The following FOXP2 variants were observed in gnomAD, a reference collection of about 807,000 sequenced individuals.
FOXP2 encodes the protein forkhead box protein P2.
A neutral mutation model predicts 115.8 loss-of-function variants in FOXP2; 12 were observed. That is an observed-to-expected ratio of 0.10 (90% CI 0.07 to 0.17). The LOEUF is 0.17. Ranked by LOEUF, FOXP2 falls within the 10% of genes least tolerant of loss-of-function variation. The pLI, the probability that FOXP2 is intolerant of heterozygous loss-of-function variation, is 1.00. For missense variants in FOXP2, 629 were observed against 843.5 expected, an observed-to-expected ratio of 0.75 and a Z score of 3.15; for synonymous variants, 328 against 297.7, an observed-to-expected ratio of 1.10 and a Z score of -1.05.
intron 2 of FOXP2, among the ~76,000 whole-genome samples, chr7:114,431,873 A>T (rs1362056615): frequency 1.3e-5 from 2 of 152,012 alleles, no homozygotes; most frequent in African/African-American, 2.4e-5. Flanking sequence ...TATTTTTTTT[A>T]AATAATACAG....
At chr7:114,176,298 T>TTTTC (rs1793303279) in intron 1 of FOXP2, among the ~76,000 whole-genome samples, 1 of 76,516 alleles carries the variant, frequency 1.3e-5, no homozygotes, top group Non-Finnish European at 2.5e-5. Flanking sequence ...CTTTCTTTCT[T>TTTTC]TCTCTCTCTC....
At chr7:114,278,618 T>C (rs1202070805) in intron 1 of FOXP2, among the ~76,000 whole-genome samples, 1 of 152,184 alleles carries the variant, frequency 6.6e-6, no homozygotes, top group African/African-American at 2.4e-5. Flanking sequence ...CTTCCCAAAG[T>C]GCTAGGATTA....
At chr7:114,687,307 C>A (rs1384600141) in intron 16 of FOXP2, among the ~76,000 whole-genome samples, 2 of 152,070 alleles carry the variant, frequency 1.3e-5, no homozygotes, top group Non-Finnish European at 2.9e-5. Flanking sequence ...CTGCTAATGA[C>A]GTTATTTGCA....
At chr7:114,406,151 A>G (rs1203314450) in intron 2 of FOXP2, among the ~76,000 whole-genome samples, 2 of 151,978 alleles carry the variant, frequency 1.3e-5, no homozygotes, top group Non-Finnish European at 2.9e-5. Context: ...ATTGCTTCTA[A>G]AGCACTAGTG....
chr7:114,605,102 T>C (rs1803240515), intron 3 of FOXP2, among the ~76,000 whole-genome samples: 1 of 152,312 alleles, frequency 6.6e-6, no homozygotes, highest in African/African-American at 2.4e-5. Flanking sequence ...CTCAGAGTTG[T>C]ACTTGTCAAG....
chr7:114,630,070 G>C, intron 5 of FOXP2, 65 bp downstream of exon 5: 1 of 1,600,578 alleles, frequency 6.2e-7, no homozygotes, highest in Non-Finnish European at 8.5e-7. Context: ...TGAGCGGCAA[G>C]AATAGTCTTA....
chr7:114,611,885 A>G (rs1803647933), intron 3 of FOXP2, among the ~76,000 whole-genome samples: 1 of 152,166 alleles, frequency 6.6e-6, no homozygotes, highest in Non-Finnish European at 1.5e-5. Context: ...GATAAAAGTT[A>G]AGAGAGTGGG....
intron 3 of FOXP2, among the ~76,000 whole-genome samples, chr7:114,604,598 AT>A (rs1299022053): frequency 6.6e-6 from 1 of 152,160 alleles, no homozygotes; most frequent in Non-Finnish European, 1.5e-5. Flanking sequence ...AGGAATAAAT[AT>A]GGTTTTCTTC....
intron 2 of FOXP2, among the ~76,000 whole-genome samples, chr7:114,527,268 G>A (rs1186820397): frequency 6.6e-6 from 1 of 151,876 alleles, no homozygotes; most frequent in Admixed American, 6.6e-5. Flanking sequence ...GAACAATTAT[G>A]TTCAACTTTT....
chr7:114,542,480 C>T (rs1799714128), intron 3 of FOXP2, among the ~76,000 whole-genome samples: 1 of 152,126 alleles, frequency 6.6e-6, no homozygotes, highest in African/African-American at 2.4e-5. Flanking sequence ...ACCTGGAACC[C>T]TAAGGCTTTT....
chr7:114,449,501 A>G (rs192326106), intron 2 of FOXP2, among the ~76,000 whole-genome samples: 1 of 152,240 alleles, frequency 6.6e-6, no homozygotes, highest in Admixed American at 6.5e-5. Context: ...TGCAAAGTAG[A>G]TGAGTTTTGG....
chr7:114,400,613 G>A (rs977458800), intron 2 of FOXP2, among the ~76,000 whole-genome samples: 36 of 152,164 alleles, frequency 2.4e-4, no homozygotes, highest in Admixed American at 2.4e-3. Context: ...AGTCGGGTGG[G>A]GTCGGGGGGA....
At chr7:114,450,654 T>TA (rs1214968725) in intron 2 of FOXP2, among the ~76,000 whole-genome samples, 1 of 152,078 alleles carries the variant, frequency 6.6e-6, no homozygotes, top group African/African-American at 2.4e-5. Flanking sequence ...GAATTTGCCT[T>TA]GTTTGAAGTG....
chr7:114,326,682 T>G (rs2129182206), intron 2 of FOXP2, among the ~76,000 whole-genome samples: 1 of 152,286 alleles, frequency 6.6e-6, no homozygotes, highest in South Asian at 2.1e-4. Flanking sequence ...ATTTACCAGA[T>G]ATTGATAGAC....
At chr7:114,513,447 T>TA (rs1359218820) in intron 2 of FOXP2, among the ~76,000 whole-genome samples, 2 of 152,054 alleles carry the variant, frequency 1.3e-5, no homozygotes, top group Admixed American at 6.6e-5. Context: ...GAAAGCTTTT[T>TA]AAAAAAATAG....
intron 1 of FOXP2, among the ~76,000 whole-genome samples, chr7:114,148,555 T>C (rs374631319): frequency 2.6e-5 from 4 of 152,142 alleles, no homozygotes; most frequent in Admixed American, 6.6e-5. Context: ...TTTGCATTAG[T>C]TGGTGCAGAG....
In FOXP2 at chr7:114,672,457, G is replaced by C. The variant is rs558809989; in HGVS notation, c.2003+8021G>C. 2.6e-5 allele frequency among the ~76,000 whole-genome samples: 4 copies of C among 151,846 alleles called. No individual in the cohort carries two copies. In the East Asian group the frequency reaches 7.8e-4, roughly 30 times the overall value. On this transcript the variant is annotated intron_variant, in intron 16 of 16. Transcript: ENST00000350908. ...AAAATTAGCTGGGCACGGTGGTGGGGGCCTGTAATCCCAGCTACTTGGGAG... is the reference window on the plus strand; with the variant it reads ...AAAATTAGCTGGGCACGGTGGTGGGCGCCTGTAATCCCAGCTACTTGGGAG...
chr7:114,456,297 C>G (rs1411410267), intron 2 of FOXP2, among the ~76,000 whole-genome samples: 2 of 152,040 alleles, frequency 1.3e-5, no homozygotes, highest in Non-Finnish European at 2.9e-5. Flanking sequence ...GCTCTAGAGC[C>G]CTGCGGTGTA....
intron 1 of FOXP2, among the ~76,000 whole-genome samples, chr7:114,262,865 T>A (rs1274081036): frequency 6.6e-6 from 1 of 152,194 alleles, no homozygotes; most frequent in Non-Finnish European, 1.5e-5. Context: ...ATTTTTAGGT[T>A]TTTCTTTAAT....
Sources: gnomAD v4.1 joint callset for allele counts (sites outside exome capture counted in the v4.1 genomes callset) on GRCh38, gnomAD v4.1.1 for gene constraint, MANE v1.5 for transcripts, NCBI Gene and HGNC (gene_info 2026-07-23, HGNC 2026-07-21) for gene names.